TSGA10: variants seen among roughly 807,000 people sequenced by gnomAD.
TSGA10 encodes testis specific 10, also known as testis-specific gene 10 protein.
A neutral mutation model predicts 96.6 loss-of-function variants in TSGA10; 43 were observed. That is an observed-to-expected ratio of 0.44 (90% CI 0.35 to 0.57). The LOEUF is 0.57. Ranked by LOEUF, TSGA10 falls within the 20% of genes least tolerant of loss-of-function variation. TSGA10 has a pLI of 0.01. For synonymous variants in TSGA10, 229 were observed against 269.9 expected, an observed-to-expected ratio of 0.85 and a Z score of 1.48; for missense variants, 703 against 834.4, an observed-to-expected ratio of 0.84 and a Z score of 1.94.
At chr2:99,072,781 A>G (rs185928789) in intron 13 of TSGA10, among the ~76,000 whole-genome samples, 40 of 152,296 alleles carry the variant, frequency 2.6e-4, no homozygotes, top group African/African-American at 9.1e-4. Context: ...AGGCTTGTCA[A>G]CATGATCTGT....
chr2:99,065,225 G>A (rs1429722398), intron 15 of TSGA10, 101 bp from the exon 16 acceptor site: 21 of 1,274,504 alleles, frequency 1.6e-5, no homozygotes, highest in East Asian at 1.2e-4. Flanking sequence ...CATGAGAAGC[G>A]TTTATAATAG....
chr2:99,081,358 A>G lies in TSGA10; in HGVS notation c.651T>C (p.Thr217=), dbSNP rs1384235145. 1 of 1,586,778 alleles carries G rather than the reference A, an allele frequency of 6.3e-7. No individual in the cohort carries two copies. The highest frequency in any genetic ancestry group is 1.3e-5 in the African/African-American group (1 of 74,250). Residue 217 remains threonine, a synonymous_variant, in exon 11 of 21, where the codon ACT becomes ACC. Coordinates refer to ENST00000393483, the MANE Select transcript of TSGA10 (RefSeq NM_025244.4). ...YENTEKDLSD[T]QRHLAKKKYE... is the part of the protein sequence containing the mutation. ...ATTTTTTCTTAGCAAGGTGTCGCTG[A>G]GTATCAGAAAGATCTTTTTCTGTGT... is the stretch of plus-strand genomic sequence containing the variant.
At chr2:99,134,888 CCT>C (rs1288850726) in intron 1 of TSGA10, among the ~76,000 whole-genome samples, 1 of 152,266 alleles carries the variant, frequency 6.6e-6, no homozygotes, top group South Asian at 2.1e-4. Context: ...CACTCCAGAC[CCT>C]GTTTGCCTGA....
intron 1 of TSGA10, among the ~76,000 whole-genome samples, chr2:99,153,133 T>A (rs2093709640): frequency 6.6e-6 from 1 of 152,094 alleles, no homozygotes. Context: ...CAGGGTAATG[T>A]CAAAGTTGTC....
chr2:99,081,910 T>C (rs978536676), intron 10 of TSGA10, among the ~76,000 whole-genome samples: 2 of 152,180 alleles, frequency 1.3e-5, no homozygotes, highest in Admixed American at 6.5e-5. Flanking sequence ...CCTAACCTTG[T>C]TTTTTACTAA....
chr2:99,004,044 C>T (rs923599572), intron 20 of TSGA10, among the ~76,000 whole-genome samples: 5 of 152,058 alleles, frequency 3.3e-5, no homozygotes, highest in Non-Finnish European at 7.4e-5. Context: ...AATTGACACA[C>T]CACTAGCAAG....
At chr2:99,063,970 A>C (rs560142947) in intron 16 of TSGA10, among the ~76,000 whole-genome samples, 192 of 152,294 alleles carry the variant, frequency 1.3e-3, no homozygotes, top group African/African-American at 4.4e-3. Flanking sequence ...TCAAGGAAGC[A>C]CAAGACAAAA....
chr2:99,102,058 T>G, intron 10 of TSGA10: 1 of 1,465,606 alleles, frequency 6.8e-7, no homozygotes, highest in Admixed American at 1.7e-5. Context: ...AAAAAGGCTT[T>G]GGATCAGTTT....
At chr2:99,038,833 A>G (rs564993554) in intron 16 of TSGA10, among the ~76,000 whole-genome samples, 43 of 152,302 alleles carry the variant, frequency 2.8e-4, no homozygotes, top group African/African-American at 1.0e-3. Flanking sequence ...ATTGCAGGAC[A>G]TACATTCTAT....
At position 99,081,390 on chromosome 2, in the gene TSGA10, A is replaced by G. The variant is rs143914527; in HGVS notation, c.619T>C (p.Tyr207His). 1.2e-5 allele frequency: 18 copies of G among 1,549,302 alleles called. No homozygotes were observed. In the African/African-American group the frequency reaches 2.3e-4, roughly 20 times the overall value. The change falls in exon 11 of 21, where the codon TAT (tyrosine) becomes CAT (histidine). Residue 207 changes from tyrosine to histidine, a missense_variant. By Grantham distance (83) the Tyr-to-His change is moderately conservative. Coordinates refer to ENST00000393483, the MANE Select transcript of TSGA10 (RefSeq NM_025244.4). Reference protein sequence around the residue: ...KAENNSLRLLYENTEKDLSDT... With the variant: ...KAENNSLRLLHENTEKDLSDT... ...GAAAGATCTTTTTCTGTGTTTTCAT[A>G]CAAAAGTCTGCAAATATTTTAATAA...
At chr2:99,041,842 A>G (rs1306174188) in intron 16 of TSGA10, among the ~76,000 whole-genome samples, 1 of 152,178 alleles carries the variant, frequency 6.6e-6, no homozygotes, top group Non-Finnish European at 1.5e-5. Flanking sequence ...TAAACTAAAA[A>G]ACTTCTGCAC....
At chr2:99,128,655 T>C (rs992957130) in intron 1 of TSGA10, among the ~76,000 whole-genome samples, 1 of 152,234 alleles carries the variant, frequency 6.6e-6, no homozygotes, top group South Asian at 2.1e-4. Flanking sequence ...CAAGGATCTA[T>C]TTAAGTCTAA....
intron 1 of TSGA10, among the ~76,000 whole-genome samples, chr2:99,145,715 A>G (rs2093624917): frequency 6.6e-6 from 1 of 152,220 alleles, no homozygotes; most frequent in African/African-American, 2.4e-5. Flanking sequence ...GGACAAAGAC[A>G]TCTTTGAAGA....
chr2:99,068,298 T>C (rs1163351001), intron 15 of TSGA10, among the ~76,000 whole-genome samples: 1 of 152,184 alleles, frequency 6.6e-6, no homozygotes, highest in Non-Finnish European at 1.5e-5. Context: ...CTCAAACCAT[T>C]AATGGGAACA....
intron 12 of TSGA10, among the ~76,000 whole-genome samples, chr2:99,073,861 AAAGT>A (rs1171733987): frequency 5.9e-5 from 9 of 152,132 alleles, no homozygotes; most frequent in Non-Finnish European, 1.3e-4. Flanking sequence ...TAGCCCTAAA[AAAGT>A]AAGAAAGTTA....
At position 99,105,583 on chromosome 2, in the gene TSGA10, A is replaced by C. The variant is rs1252587824; in HGVS notation, c.325T>G (p.Phe109Val). The change falls in exon 8 of 21, where the codon TTT (phenylalanine) becomes GTT (valine). Residue 109 changes from phenylalanine to valine, a missense_variant. By Grantham distance (50) the Phe-to-Val change is conservative. Around this residue, in one of 3 missense-constraint regions of TSGA10, gnomAD observed 585 missense variants for 656.8 expected, o/e 0.89. Coordinates refer to ENST00000393483, the MANE Select transcript of TSGA10 (RefSeq NM_025244.4). ...GTGGTCATTCTTCGTAAATCAGTAA[A>C]GGCTACATCTCTTTCAGTCTCCACT... ...RRVETERDVAFTDLRRMTTER... is the reference protein window; with the variant it reads ...RRVETERDVAVTDLRRMTTER... The C allele has an allele frequency of 6.2e-7, 1 of 1,611,740 alleles. No individual in the cohort carries two copies. The highest frequency in any genetic ancestry group is 2.2e-5 in the East Asian group (1 of 44,752).
chr2:99,004,607 C>T lies in TSGA10; in HGVS notation c.2073-6386G>A, dbSNP rs935245290. ...ACTAAACCAGGAAGAAGTTGAATCT[C>T]TGAATAGACCAATAACAGGCTCTGA... On this transcript the variant is annotated intron_variant, in intron 20 of 20. Coordinates refer to ENST00000393483, the MANE Select transcript of TSGA10 (RefSeq NM_025244.4). Among the ~76,000 whole-genome samples, 9 of 152,114 alleles carry T rather than the reference C, an allele frequency of 5.9e-5. 1 individual carries two copies. The highest frequency in any genetic ancestry group is 2.2e-4 in the African/African-American group (9 of 41,406).
intron 20 of TSGA10, among the ~76,000 whole-genome samples, chr2:99,017,272 C>T (rs1051815988): frequency 1.3e-5 from 2 of 152,140 alleles, no homozygotes; most frequent in Non-Finnish European, 2.9e-5. Context: ...CATTGACCAA[C>T]AAGTGGATAA....
At chr2:99,139,689 C>T (rs1206636210) in intron 1 of TSGA10, among the ~76,000 whole-genome samples, 3 of 151,774 alleles carry the variant, frequency 2.0e-5, no homozygotes, top group East Asian at 1.9e-4. Context: ...CTAAATACTG[C>T]GAGCAACAAT....
Sources: gnomAD v4.1 joint callset for allele counts (sites outside exome capture counted in the v4.1 genomes callset) on GRCh38, gnomAD v4.1.1 for gene constraint, gnomAD v4.1.1 regional missense constraint, MANE v1.5 for transcripts, NCBI Gene and HGNC (gene_info 2026-07-23, HGNC 2026-07-21) for gene names.